The following GPR15LG variants were observed in gnomAD, a reference collection of about 807,000 sequenced individuals.
The protein encoded by GPR15LG is protein GPR15LG.
the GPR15LG span, among the ~76,000 whole-genome samples, chr10:84,179,434 C>A: frequency 2.0e-5 from 3 of 152,138 alleles, no homozygotes; most frequent in Admixed American, 1.3e-4. Flanking sequence ...GGTGGTTCCA[C>A]CTTCTGTCTT....
the GPR15LG span, among the ~76,000 whole-genome samples, chr10:84,176,283 G>A: frequency 1.3e-5 from 2 of 152,172 alleles, no homozygotes; most frequent in South Asian, 4.1e-4. Flanking sequence ...GTGTTTTGGG[G>A]CCATGTGTCT....
At chr10:84,174,726 G>A in the GPR15LG span, among the ~76,000 whole-genome samples, 8 of 152,000 alleles carry the variant, frequency 5.3e-5, no homozygotes, top group East Asian at 1.9e-4. Context: ...TCCTAACCTC[G>A]TAATCCTCCC....
chr10:84,180,944 G>A, the GPR15LG span, among the ~76,000 whole-genome samples: 1 of 152,360 alleles, frequency 6.6e-6, no homozygotes, highest in East Asian at 1.9e-4. Context: ...AAACCAGTCA[G>A]GTGTGGCAGC....
chr10:84,179,973 G>T, the GPR15LG span, among the ~76,000 whole-genome samples: 3 of 151,870 alleles, frequency 2.0e-5, no homozygotes, highest in African/African-American at 7.3e-5. Flanking sequence ...GGGAAGGTCA[G>T]CAGATAAACA....
the GPR15LG span, among the ~76,000 whole-genome samples, chr10:84,174,717 C>G: frequency 1.3e-5 from 2 of 152,180 alleles, no homozygotes; most frequent in African/African-American, 4.8e-5. Flanking sequence ...GTCTTGAACT[C>G]CTAACCTCGT....
the GPR15LG span, among the ~76,000 whole-genome samples, chr10:84,182,278 G>A: frequency 6.6e-6 from 1 of 152,230 alleles, no homozygotes; most frequent in African/African-American, 2.4e-5. Flanking sequence ...CTCAGTGAAA[G>A]GGGCCTCAGA....
chr10:84,180,795 A>C, the GPR15LG span, among the ~76,000 whole-genome samples: 1 of 152,248 alleles, frequency 6.6e-6, no homozygotes, highest in Non-Finnish European at 1.5e-5. Flanking sequence ...AGCCTGGGCA[A>C]CATTGAGCAC....
the GPR15LG span, chr10:84,174,026 A>G: frequency 2.2e-6 from 2 of 898,324 alleles, no homozygotes; most frequent in African/African-American, 1.6e-5. Flanking sequence ...AGGCCTTGGC[A>G]GGCAGTCCTG....
At chr10:84,184,283 G>A in the GPR15LG span, among the ~76,000 whole-genome samples, 1 of 152,228 alleles carries the variant, frequency 6.6e-6, no homozygotes, top group Non-Finnish European at 1.5e-5. Flanking sequence ...GGGACACGTT[G>A]CCTGGCATGT....
At chr10:84,174,513 A>G in the GPR15LG span, among the ~76,000 whole-genome samples, 5 of 71,706 alleles carry the variant, frequency 7.0e-5, no homozygotes, top group African/African-American at 1.8e-4. Context: ...TTTTTTTTTG[A>G]GATGGAGTCT....
At chr10:84,184,789 A>T in the GPR15LG span, 1 of 1,613,240 alleles carries the variant, frequency 6.2e-7, no homozygotes, top group Non-Finnish European at 8.5e-7. Context: ...AAGACTCCAG[A>T]CAGCGGAGAA....
the GPR15LG span, chr10:84,173,930 GC>G: frequency 1.2e-3 from 1,993 of 1,603,624 alleles, 28 homozygotes; most frequent in African/African-American, 0.024. Flanking sequence ...AGGTAGGGCA[GC>G]CCCCAGGGTG....
At chr10:84,179,877 CTT>C in the GPR15LG span, among the ~76,000 whole-genome samples, 2 of 132,322 alleles carry the variant, frequency 1.5e-5, no homozygotes, top group African/African-American at 2.7e-5. Flanking sequence ...TTTAAAAAGG[CTT>C]TTTTTTTTTT....
At chr10:84,182,035 A>G in the GPR15LG span, among the ~76,000 whole-genome samples, 3 of 152,256 alleles carry the variant, frequency 2.0e-5, no homozygotes, top group South Asian at 6.2e-4. Flanking sequence ...AACCCAGCAA[A>G]ATGGCTGAGC....
chr10:84,178,216 C>T, the GPR15LG span, among the ~76,000 whole-genome samples: 1 of 151,798 alleles, frequency 6.6e-6, no homozygotes, highest in African/African-American at 2.4e-5. Context: ...GCACTCTACA[C>T]ACACACACCA....
the GPR15LG span, chr10:84,184,821 T>C: frequency 6.2e-7 from 1 of 1,607,552 alleles, no homozygotes; most frequent in African/African-American, 1.3e-5. Context: ...GCACCTGAGG[T>C]ACCCAGCAGC....
the GPR15LG span, among the ~76,000 whole-genome samples, chr10:84,175,478 G>A: frequency 1.3e-5 from 2 of 152,344 alleles, no homozygotes; most frequent in East Asian, 1.9e-4. Flanking sequence ...GAATTTACAT[G>A]CTTAGACATT....
the GPR15LG span, chr10:84,184,896 T>A: frequency 1.2e-5 from 18 of 1,500,528 alleles, no homozygotes; most frequent in Middle Eastern, 2.4e-4. Context: ...CATCTCGGGC[T>A]GCAAGGACCC....
the GPR15LG span, among the ~76,000 whole-genome samples, chr10:84,178,722 G>A: frequency 1.3e-5 from 2 of 152,210 alleles, no homozygotes; most frequent in East Asian, 3.8e-4. Context: ...ACGTGCATCC[G>A]TTTTTTCAGT....
Sources: allele counts gnomAD v4.1 joint callset (sites outside exome capture counted in the v4.1 genomes callset), GRCh38; gene constraint gnomAD v4.1.1; transcripts MANE v1.5; gene names NCBI Gene and HGNC (gene_info 2026-07-23, HGNC 2026-07-21).